NPAS2: variants seen among roughly 807,000 people sequenced by gnomAD.
NPAS2 encodes the protein neuronal PAS domain-containing protein 2.
NPAS2 carries 23 observed loss-of-function variants against 107.5 expected under a neutral mutation model. The observed-to-expected ratio is 0.21, with a 90% CI of 0.15 to 0.30. The LOEUF is 0.30. Ranked by LOEUF, NPAS2 falls within the 10% of genes least tolerant of loss-of-function variation. The pLI is 1.00. For synonymous variants in NPAS2, 403 were observed against 417.5 expected (o/e 0.97, Z 0.42); for missense variants, 756 against 1,043.3 (o/e 0.72, Z 3.79).
intron 1 of NPAS2, among the ~76,000 whole-genome samples, chr2:100,856,350 C>G: frequency 6.6e-6 from 1 of 152,176 alleles, no homozygotes; most frequent in South Asian, 2.1e-4. Context: ...ATCCACATTC[C>G]CGAGCACAGG....
chr2:100,865,668 G>A (rs1679206442), intron 1 of NPAS2, among the ~76,000 whole-genome samples: 1 of 152,120 alleles, frequency 6.6e-6, no homozygotes. Flanking sequence ...TTTGGAAAGG[G>A]GGCAATTCCA....
intron 12 of NPAS2, among the ~76,000 whole-genome samples, chr2:100,971,695 C>T (rs1424286619): frequency 1.3e-5 from 2 of 152,138 alleles, no homozygotes; most frequent in African/African-American, 4.8e-5. Context: ...TCCATCCTTC[C>T]TTCCACACAC....
intron 1 of NPAS2, among the ~76,000 whole-genome samples, chr2:100,833,133 CCAT>C (rs1363375814): frequency 6.6e-6 from 1 of 152,148 alleles, no homozygotes; most frequent in African/African-American, 2.4e-5. Flanking sequence ...GTGTGAGTGG[CCAT>C]CGTCTTATGG....
Position 100,904,780 on chromosome 2 carries a change from C to A in NPAS2, c.26C>A (p.Ala9Asp). 1.2e-6 allele frequency: 2 copies of A among 1,604,578 alleles called. No individual in the cohort carries two copies. Among genetic ancestry groups the A allele is most frequent in the Non-Finnish European group, 1.7e-6 (2 of 1,174,756 alleles). ...ATGGATGAAGATGAGAAAGACAGAG[C>A]CAAGAGGTAAGATGCAGCTGTCCCC... MDEDEKDR[A>D]KRASRNKSEK... The change falls in exon 2 of 21, where the codon GCC (alanine) becomes GAC (aspartate). Residue 9 changes from alanine to aspartate, a missense_variant. By Grantham distance (126) the Ala-to-Asp change is moderately radical. Coordinates refer to ENST00000335681, the MANE Select transcript of NPAS2 (RefSeq NM_002518.4).
At chr2:100,903,625 T>C (rs1307190994) in intron 1 of NPAS2, among the ~76,000 whole-genome samples, 1 of 152,236 alleles carries the variant, frequency 6.6e-6, no homozygotes. Context: ...GAGTTCCGAC[T>C]GAAGACCCTG....
intron 1 of NPAS2, among the ~76,000 whole-genome samples, chr2:100,830,401 C>G (rs1676657141): frequency 1.3e-5 from 2 of 152,048 alleles, no homozygotes; most frequent in Admixed American, 6.5e-5. Context: ...TATACATGTG[C>G]CATGTTGGTG....
chr2:100,862,015 T>C (rs1207276208), intron 1 of NPAS2, among the ~76,000 whole-genome samples: 1 of 152,178 alleles, frequency 6.6e-6, no homozygotes, highest in African/African-American at 2.4e-5. Flanking sequence ...ATGTAGTATT[T>C]AAAATCTTTG....
At chr2:100,986,218 G>A (rs985356208) in intron 16 of NPAS2, 28 of 152,128 alleles carry the variant, frequency 1.8e-4, no homozygotes, top group African/African-American at 6.8e-4. Context: ...GTTTGGGGAG[G>A]TCCCGTGGGA....
intron 5 of NPAS2, among the ~76,000 whole-genome samples, chr2:100,947,427 T>A (rs1674966460): frequency 6.6e-6 from 1 of 151,956 alleles, no homozygotes; most frequent in Non-Finnish European, 1.5e-5. Context: ...GGCAAACACC[T>A]GTAGTTTCAG....
At chr2:100,990,591 A>G in intron 18 of NPAS2, 145 bp downstream of exon 18, 1 of 1,065,358 alleles carries the variant, frequency 9.4e-7, no homozygotes, top group Non-Finnish European at 1.4e-6. Context: ...AGCAGAGGAC[A>G]GGGCTTGGGA....
Position 100,968,500 on chromosome 2 carries a change from C to T in NPAS2, c.1055+72C>T, listed in dbSNP as rs998347009. The T allele has an allele frequency of 1.4e-6, 2 of 1,468,028 alleles. No individual in the cohort carries two copies. The highest frequency in any genetic ancestry group is 1.9e-6 in the Non-Finnish European group (2 of 1,068,626). 90.9% of individuals were successfully genotyped at this position (1,468,028 alleles called of 1,614,324 possible). On this transcript the variant is annotated intron_variant, in intron 11 of 20. Transcript: ENST00000335681. This position sits in a 1 kb window ranked among gnomAD's most constrained non-coding sequence, Gnocchi z 5.3. ...GGGAGGGGTGCAGGATGGCGTGGCC[C>T]CTGATGGCCAAGTCAGATCAGCAGT...
chr2:100,887,462 A>T (rs1372745687), intron 1 of NPAS2, among the ~76,000 whole-genome samples: 2 of 152,108 alleles, frequency 1.3e-5, no homozygotes, highest in Non-Finnish European at 2.9e-5. Flanking sequence ...TGGCTGACGG[A>T]GAGGTGAGGG....
chr2:100,991,475 TCTC>T (rs1678127434), intron 19 of NPAS2, among the ~76,000 whole-genome samples: 1 of 152,144 alleles, frequency 6.6e-6, no homozygotes, highest in Non-Finnish European at 1.5e-5. Flanking sequence ...CACACAGACA[TCTC>T]CTTCATGTTA....
intron 1 of NPAS2, among the ~76,000 whole-genome samples, chr2:100,864,350 T>G (rs1363020615): frequency 6.6e-6 from 1 of 152,210 alleles, no homozygotes; most frequent in Non-Finnish European, 1.5e-5. Context: ...ATATTTAAAT[T>G]GCTCACAAAT....
chr2:100,981,613 G>T (rs1211202003), intron 15 of NPAS2, among the ~76,000 whole-genome samples: 1 of 152,170 alleles, frequency 6.6e-6, no homozygotes, highest in Non-Finnish European at 1.5e-5. Context: ...GGCCCTCGGG[G>T]CAAAGACTGG....
intron 2 of NPAS2, among the ~76,000 whole-genome samples, chr2:100,915,003 G>GT (rs1682782981): frequency 2.0e-5 from 3 of 152,186 alleles, no homozygotes; most frequent in Admixed American, 6.5e-5. Flanking sequence ...GACAGAGAGA[G>GT]GACCAGGAGC....
In NPAS2 at chr2:100,979,480, C is replaced by CTATATATATA. The variant is rs201705535; in HGVS notation, c.1482+1695_1482+1704dup. 2.9e-3 allele frequency among the ~76,000 whole-genome samples: 185 copies of CTATATATATA among 64,776 alleles called. 4 individuals carry two copies. Among genetic ancestry groups the CTATATATATA allele is most frequent in the African/African-American group, 9.5e-3 (119 of 12,588 alleles). The allele number at this position is 64,776 out of a possible 152,430, so 42.5% of individuals were successfully genotyped here. The stretch of plus-strand genomic sequence containing the variant: ...TCATGTGTACTATATTTAATAATAA[C>CTATATATATA]TATATATATATATATATATATATTT... On this transcript the variant is annotated intron_variant, in intron 15 of 20. Coordinates refer to ENST00000335681, the MANE Select transcript of NPAS2 (RefSeq NM_002518.4).
intron 1 of NPAS2, among the ~76,000 whole-genome samples, chr2:100,866,072 C>T (rs1416217673): frequency 1.3e-5 from 2 of 152,186 alleles, no homozygotes; most frequent in Admixed American, 1.3e-4. Flanking sequence ...TTCTCTGTTG[C>T]TCTGGTCCCT....
At chr2:100,940,650 A>G (rs1674521900) in intron 5 of NPAS2, among the ~76,000 whole-genome samples, 1 of 152,178 alleles carries the variant, frequency 6.6e-6, no homozygotes, top group Non-Finnish European at 1.5e-5. Context: ...CCTATGAAGT[A>G]CATAGTTACC....
Sources: gnomAD v4.1 joint callset for allele counts (sites outside exome capture counted in the v4.1 genomes callset) on GRCh38, gnomAD v4.1.1 for gene constraint, Gnocchi (gnomAD v3.1) non-coding constraint, MANE v1.5 for transcripts, NCBI Gene and HGNC (gene_info 2026-07-23, HGNC 2026-07-21) for gene names.